NEDD4L: variants seen among roughly 807,000 people sequenced by gnomAD.
NEDD4L encodes the protein E3 ubiquitin-protein ligase NEDD4-like.
A neutral mutation model predicts 148.9 loss-of-function variants in NEDD4L; 54 were observed. The ratio of observed to expected loss-of-function variants is 0.36; its 90% CI spans 0.29 to 0.45. The LOEUF is 0.45. Ranked by LOEUF, NEDD4L falls within the 20% of genes least tolerant of loss-of-function variation. The pLI, the probability that NEDD4L is intolerant of heterozygous loss-of-function variation, is 1.00. For synonymous variants in NEDD4L, 433 were observed against 440.7 expected (o/e 0.98, Z 0.22); for missense variants, 856 against 1,233.8 (o/e 0.69, Z 4.59).
intron 1 of NEDD4L, among the ~76,000 whole-genome samples, chr18:58,088,583 T>TA (rs1160799864): frequency 6.6e-6 from 1 of 152,200 alleles, no homozygotes; most frequent in Non-Finnish European, 1.5e-5. Context: ...GCCCTCTGCT[T>TA]TTATTAGTAG....
In NEDD4L at chr18:58,167,731, T is replaced by G. The variant is rs115670835; in HGVS notation, c.122+1870T>G. Reference sequence around the variant, plus strand: ...GCATCAAGGGAAAAAAAAACAAAAATTATCTTTTAAAAATGTAAACATTTG... The same window carrying G: ...GCATCAAGGGAAAAAAAAACAAAAAGTATCTTTTAAAAATGTAAACATTTG... On this transcript the variant is annotated intron_variant, in intron 2 of 30. Transcript: ENST00000400345. Among the ~76,000 whole-genome samples the G allele has an allele frequency of 8.8e-3, 1,336 of 152,230 alleles. 14 individuals carry two copies. The highest frequency in any genetic ancestry group is 0.03 in the African/African-American group (1,265 of 41,530).
chr18:58,076,775 A>G (rs189207349), intron 1 of NEDD4L, among the ~76,000 whole-genome samples: 1 of 152,214 alleles, frequency 6.6e-6, no homozygotes, highest in Admixed American at 6.5e-5. Flanking sequence ...AAGCCTGCAG[A>G]AAAGGTAAAG....
At chr18:58,123,745 C>T (rs2030457801) in intron 1 of NEDD4L, among the ~76,000 whole-genome samples, 1 of 152,060 alleles carries the variant, frequency 6.6e-6, no homozygotes, top group African/African-American at 2.4e-5. Context: ...GATGACTTTG[C>T]TGCTTGTCTC....
At chr18:58,135,516 G>A (rs557104287) in intron 1 of NEDD4L, among the ~76,000 whole-genome samples, 1 of 152,350 alleles carries the variant, frequency 6.6e-6, no homozygotes, top group African/African-American at 2.4e-5. Flanking sequence ...ACCTGACCGT[G>A]TATGGAGAGA....
intron 1 of NEDD4L, among the ~76,000 whole-genome samples, chr18:58,078,610 T>C (rs1370988363): frequency 6.6e-6 from 1 of 152,240 alleles, no homozygotes; most frequent in Non-Finnish European, 1.5e-5. Flanking sequence ...AAGATGCATT[T>C]CTAGTAATGC....
chr18:58,083,876 A>C (rs923998896), intron 1 of NEDD4L, among the ~76,000 whole-genome samples: 3 of 152,284 alleles, frequency 2.0e-5, no homozygotes, highest in African/African-American at 7.2e-5. Flanking sequence ...TACTACAGGC[A>C]TGTTCCACCA....
At chr18:58,058,090 G>A (rs2082167036) in intron 1 of NEDD4L, among the ~76,000 whole-genome samples, 1 of 152,070 alleles carries the variant, frequency 6.6e-6, no homozygotes, top group Admixed American at 6.6e-5. Flanking sequence ...GGTGGATCAC[G>A]AGGTCAGGAG....
intron 1 of NEDD4L, among the ~76,000 whole-genome samples, chr18:58,078,953 A>G (rs920478383): frequency 2.6e-5 from 4 of 152,184 alleles, no homozygotes; most frequent in African/African-American, 9.7e-5. Context: ...AGGGAAAATA[A>G]TACCTGTATG....
At chr18:58,369,563 G>A (rs1264018743) in intron 22 of NEDD4L, among the ~76,000 whole-genome samples, 6 of 152,164 alleles carry the variant, frequency 3.9e-5, no homozygotes, top group Non-Finnish European at 7.3e-5. Context: ...CCCAGACACT[G>A]GAGTCTATTG....
chr18:58,278,280 C>A (rs79674974), intron 5 of NEDD4L, among the ~76,000 whole-genome samples: 2 of 152,134 alleles, frequency 1.3e-5, no homozygotes, highest in South Asian at 2.1e-4. Flanking sequence ...GCATGGCCAG[C>A]GCTATCTGAA....
At chr18:58,335,259 C>T (rs1011709488) in intron 12 of NEDD4L, among the ~76,000 whole-genome samples, 2 of 152,184 alleles carry the variant, frequency 1.3e-5, no homozygotes, top group African/African-American at 4.8e-5. Flanking sequence ...TCATTGTTTA[C>T]CCAGGTCAAG....
Position 58,044,560 on chromosome 18 carries a change from T to A in NEDD4L, c.-101T>A. The A allele has an allele frequency of 7.3e-7, 1 of 1,377,114 alleles. No individual in the cohort carries two copies. Among genetic ancestry groups the A allele is most frequent in the South Asian group, 1.8e-5 (1 of 56,548 alleles). 85.3% of individuals were successfully genotyped at this position (1,377,114 alleles called of 1,614,324 possible). On this transcript the variant is annotated 5_prime_UTR_variant, in exon 1 of 31. Transcript: ENST00000400345. Reference sequence around the variant, plus strand: ...CCGGCAGGGCGTGCGCAGGGTAGGGTGCGGGACCGGGGGGACCTGGAGGCA... The same window carrying A: ...CCGGCAGGGCGTGCGCAGGGTAGGGAGCGGGACCGGGGGGACCTGGAGGCA...
intron 14 of NEDD4L, 76 bp from the exon 15 acceptor site, chr18:58,341,601 TG>T (rs3217371): frequency 6.6e-7 from 1 of 1,518,128 alleles, no homozygotes; most frequent in East Asian, 2.4e-5. Flanking sequence ...TTTGCGTTGT[TG>T]TTTGGGTTCG....
intron 1 of NEDD4L, among the ~76,000 whole-genome samples, chr18:58,079,544 T>G (rs1039663036): frequency 1.4e-4 from 21 of 152,256 alleles, no homozygotes; most frequent in Non-Finnish European, 4.4e-5. Flanking sequence ...GTTGGTGATT[T>G]GCCCCAAGTC....
At chr18:58,318,480 A>G (rs572838006) in intron 6 of NEDD4L, among the ~76,000 whole-genome samples, 2 of 152,318 alleles carry the variant, frequency 1.3e-5, no homozygotes, top group East Asian at 1.9e-4. Context: ...TCGCTTGAGC[A>G]TGGGAGGTCA....
chr18:58,104,081 A>T (rs767104042), intron 1 of NEDD4L, among the ~76,000 whole-genome samples: 1 of 152,256 alleles, frequency 6.6e-6, no homozygotes, highest in African/African-American at 2.4e-5. Context: ...AAATGGATGA[A>T]TAGATTAAAA....
At position 58,298,371 on chromosome 18, in the gene NEDD4L, G is replaced by GTAAA. The variant is rs563849015; in HGVS notation, c.298-17610_298-17607dup. On this transcript the variant is annotated intron_variant, in intron 5 of 30. Transcript: ENST00000400345. ...TATCCCTGGAACCCTGGTTATCTTAGTAAAATATGCAGCAACAATATAGAA... is the reference window on the plus strand; with the variant it reads ...TATCCCTGGAACCCTGGTTATCTTAGTAAATAAAATATGCAGCAACAATATAGAA... Among the ~76,000 whole-genome samples the GTAAA allele has an allele frequency of 9.7e-4, 148 of 152,296 alleles. 2 individuals are homozygous for GTAAA. The East Asian group carries it at 0.023, about 24-fold the overall frequency.
At chr18:58,291,123 C>T (rs959215447) in intron 5 of NEDD4L, among the ~76,000 whole-genome samples, 2 of 151,150 alleles carry the variant, frequency 1.3e-5, no homozygotes, top group Admixed American at 1.3e-4. Context: ...GACCGACCCA[C>T]GTGGTCACAC....
intron 1 of NEDD4L, among the ~76,000 whole-genome samples, chr18:58,099,628 A>G (rs1186585024): frequency 6.6e-6 from 1 of 152,238 alleles, no homozygotes; most frequent in African/African-American, 2.4e-5. Flanking sequence ...GAATGCATGC[A>G]TTAAACACAA....
Sources: allele counts gnomAD v4.1 joint callset (sites outside exome capture counted in the v4.1 genomes callset), GRCh38; gene constraint gnomAD v4.1.1; transcripts MANE v1.5; gene names NCBI Gene and HGNC (gene_info 2026-07-23, HGNC 2026-07-21).